PKD1L3: variants seen among roughly 807,000 people sequenced by gnomAD.
The protein encoded by PKD1L3 is polycystin 1 like 3, transient receptor potential channel interacting, also known as polycystin-1-like protein 3.
In PKD1L3, 239 loss-of-function variants were observed where a neutral mutation model predicts 184.1. That is an observed-to-expected ratio of 1.30 (90% CI 1.17 to 1.45). The LOEUF (loss-of-function observed/expected upper bound fraction) is 1.45. Among genes scored for constraint, PKD1L3 ranks in the 40% most tolerant of loss-of-function variants. The pLI is 0.00. For missense variants in PKD1L3, 2,660 were observed against 2,067.2 expected, an observed-to-expected ratio of 1.29 and a Z score of -5.56; for synonymous variants, 996 against 778.8, an observed-to-expected ratio of 1.28 and a Z score of -4.64.
chr16:71,981,941 G>T (rs546997663), intron 7 of PKD1L3, 118 bp downstream of exon 7: 2 of 1,165,410 alleles, frequency 1.7e-6, no homozygotes, highest in African/African-American at 1.6e-5. Flanking sequence ...AGTTTCTTCT[G>T]CAGCAGAAAC....
intron 16 of PKD1L3, among the ~76,000 whole-genome samples, chr16:71,960,237 A>C (rs1333746728): frequency 1.3e-5 from 2 of 148,686 alleles, no homozygotes; most frequent in East Asian, 3.9e-4. Flanking sequence ...TAAAGGAAAG[A>C]GAATGGATTA....
chr16:71,938,249 T>A (rs999301607), intron 24 of PKD1L3, among the ~76,000 whole-genome samples: 5 of 152,222 alleles, frequency 3.3e-5, no homozygotes, highest in African/African-American at 1.2e-4. Context: ...CAAGCCTGGG[T>A]GTGTGTGCGC....
chr16:71,945,327 TACAC>T (rs376042570), intron 22 of PKD1L3, among the ~76,000 whole-genome samples: 1,251 of 65,368 alleles, frequency 0.019, 25 homozygotes, highest in South Asian at 0.073. Flanking sequence ...CACACATATA[TACAC>T]ACACACACAC....
At position 71,979,899 on chromosome 16, in the gene PKD1L3, T is replaced by C; in HGVS notation, c.1285A>G (p.Thr429Ala). The C allele has an allele frequency of 1.3e-6, 2 of 1,549,974 alleles. No individual in the cohort carries two copies. The highest frequency in any genetic ancestry group is 1.4e-5 in the African/African-American group (1 of 72,992). Residue 429 changes from threonine to alanine, a missense_variant, in exon 9 of 30, where the codon ACT (threonine) becomes GCT (alanine). By Grantham distance (58) the Thr-to-Ala change is moderately conservative (BLOSUM62 0). Transcript: ENST00000620267. The part of the protein sequence containing the change: ...TLLLSRQNIS[T>A]LPLSSYTLGH... The stretch of plus-strand genomic sequence containing the variant: ...AGAGTGTAAGAGCTCAGCGGTAAAG[T>C]TGATATGTTTTGTCTAATGAGAAAA...
At chr16:71,932,668 G>A (rs1372763589) in intron 28 of PKD1L3, among the ~76,000 whole-genome samples, 2 of 151,614 alleles carry the variant, frequency 1.3e-5, no homozygotes, top group Non-Finnish European at 1.5e-5. Flanking sequence ...TATTAGAGAT[G>A]GGGTTTCACC....
chr16:71,933,410 T>C lies in PKD1L3; in HGVS notation c.4926+10A>G, dbSNP rs965601575. On this transcript the variant is annotated intron_variant, in intron 28 of 29. Transcript: ENST00000620267. Reference sequence around the variant, plus strand: ...TTGAATTCTGTGAGGAAACAAATTATTATTTTTACCTCCTCTTGGTGAGAA... The same window carrying C: ...TTGAATTCTGTGAGGAAACAAATTACTATTTTTACCTCCTCTTGGTGAGAA... 20 of 1,525,542 alleles carry C rather than the reference T, an allele frequency of 1.3e-5. No homozygotes were observed. The African/African-American group carries it at 2.3e-4, about 18-fold the overall frequency. 94.5% of individuals were successfully genotyped at this position (1,525,542 alleles called of 1,614,324 possible). A position where few individuals can be genotyped will look rare whatever the true frequency, so the allele number is the denominator to read the frequency against.
chr16:71,998,141 A>T, intron 2 of PKD1L3, 131 bp downstream of exon 2: 1 of 1,256,910 alleles, frequency 8.0e-7, no homozygotes, highest in South Asian at 1.4e-5. Context: ...GCATCATGAA[A>T]ATCAAAAGCC....
chr16:71,977,960 G>C (rs568519366), intron 10 of PKD1L3, among the ~76,000 whole-genome samples: 1 of 152,216 alleles, frequency 6.6e-6, no homozygotes, highest in Non-Finnish European at 1.5e-5. Flanking sequence ...TTTTAGTAGA[G>C]ATGGGGTTTC....
chr16:71,963,779 T>C (rs2039384174), intron 15 of PKD1L3, among the ~76,000 whole-genome samples: 1 of 146,606 alleles, frequency 6.8e-6, no homozygotes, highest in African/African-American at 2.6e-5. Context: ...TGAGACTCTG[T>C]CAAAAAAAAC....
intron 14 of PKD1L3, 55 bp downstream of exon 14, chr16:71,967,851 G>T: frequency 7.1e-7 from 1 of 1,401,670 alleles, no homozygotes; most frequent in Non-Finnish European, 9.8e-7. Flanking sequence ...AACTCAGAGT[G>T]TGTCTCATGT....
intron 16 of PKD1L3, among the ~76,000 whole-genome samples, chr16:71,958,169 C>A (rs1334455360): frequency 6.6e-6 from 1 of 151,314 alleles, no homozygotes; most frequent in African/African-American, 2.4e-5. Context: ...GGGCGGATCA[C>A]GAGGTCAGGA....
chr16:71,932,274 A>G (rs1023059239), intron 28 of PKD1L3, among the ~76,000 whole-genome samples: 6 of 152,158 alleles, frequency 3.9e-5, no homozygotes, highest in African/African-American at 1.2e-4. Context: ...GCTTGGTCAT[A>G]TCTACCCTTT....
In PKD1L3 at chr16:71,977,275, G is replaced by T; in HGVS notation, c.1720C>A (p.Leu574Met). 3 of 1,537,042 alleles carry T rather than the reference G, an allele frequency of 2.0e-6. No homozygotes were observed. Among genetic ancestry groups the T allele is most frequent in the Non-Finnish European group, 2.6e-6 (3 of 1,133,722 alleles). Reference protein sequence around the residue: ...QYQPNCTHFHLNITLPKDKVW... With the variant: ...QYQPNCTHFHMNITLPKDKVW... ...TTATCCTTTGGAAGGGTGATGTTCA[G>T]GTGGAAGTGAGTGCAGTTAGGCTGA... Residue 574 changes from leucine to methionine, a missense_variant, in exon 11 of 30, where the codon CTG (leucine) becomes ATG (methionine). By Grantham distance (15) the Leu-to-Met change is conservative. Coordinates refer to ENST00000620267, the MANE Select transcript of PKD1L3 (RefSeq NM_181536.2).
chr16:71,980,271 G>C, intron 7 of PKD1L3, 137 bp from the exon 8 acceptor site: 1 of 1,195,978 alleles, frequency 8.4e-7, no homozygotes. Context: ...AGAGGACCTT[G>C]GAATCTCACA....
intron 22 of PKD1L3, among the ~76,000 whole-genome samples, chr16:71,944,644 T>G (rs1483848734): frequency 6.6e-6 from 1 of 151,956 alleles, no homozygotes; most frequent in Non-Finnish European, 1.5e-5. Flanking sequence ...GCAGATAGTT[T>G]GAGCTCAGGA....
intron 2 of PKD1L3, 67 bp downstream of exon 2, chr16:71,998,205 T>A: frequency 6.5e-7 from 1 of 1,535,590 alleles, no homozygotes; most frequent in Non-Finnish European, 8.8e-7. Flanking sequence ...TATTCTCACA[T>A]GCACTCCTTA....
At chr16:71,944,834 G>A (rs1275017940) in intron 22 of PKD1L3, among the ~76,000 whole-genome samples, 1 of 151,398 alleles carries the variant, frequency 6.6e-6, no homozygotes, top group South Asian at 2.1e-4. Flanking sequence ...GAGTAGCTGG[G>A]ATTACAGGCA....
intron 26 of PKD1L3, among the ~76,000 whole-genome samples, chr16:71,934,761 A>G (rs966047385): frequency 3.3e-5 from 5 of 152,228 alleles, no homozygotes; most frequent in Admixed American, 1.3e-4. Flanking sequence ...ACTGCTCTCC[A>G]TAAGGCCTAC....
intron 4 of PKD1L3, among the ~76,000 whole-genome samples, chr16:71,986,828 A>G (rs4788453): frequency 0.78 from 118,522 of 151,596 alleles, 46,640 homozygotes; most frequent in South Asian, 0.86. Flanking sequence ...ATTATGTCAC[A>G]TATTAAATAC....
Sources: allele counts gnomAD v4.1 joint callset (sites outside exome capture counted in the v4.1 genomes callset), GRCh38; gene constraint gnomAD v4.1.1; transcripts MANE v1.5; gene names NCBI Gene and HGNC (gene_info 2026-07-23, HGNC 2026-07-21).